ABCA1: variants seen among roughly 807,000 people sequenced by gnomAD.
The protein encoded by ABCA1 is phospholipid-transporting ATPase ABCA1.
A neutral mutation model predicts 262.5 loss-of-function variants in ABCA1; 133 were observed. The observed-to-expected ratio is 0.51, with a 90% CI of 0.44 to 0.59. ABCA1 has a LOEUF of 0.59. Ranked by LOEUF, ABCA1 falls within the 20% of genes least tolerant of loss-of-function variation. ABCA1 has a pLI of 0.00. For missense variants in ABCA1, 2,452 were observed against 2,777.5 expected (o/e 0.88, Z 2.63); for synonymous variants, 1,022 against 1,043.5 (o/e 0.98, Z 0.40).
chr9:104,818,726 T>G lies in ABCA1; in HGVS notation c.3399A>C (p.Lys1133Asn), dbSNP rs771314877. ...GTGYYLTLVK[K>N]DVESSLSSCR... ...AGGAACTGAGGGAGGATTCCACATC[T>G]TTCTTGACCAAGGTCAGGTAGTAGC... Residue 1133 changes from lysine to asparagine, a missense_variant, in exon 23 of 50, where the codon AAA (lysine) becomes AAC (asparagine). By Grantham distance (94) the Lys-to-Asn change is moderately conservative. Around this residue, in one of 4 missense-constraint regions of ABCA1, gnomAD observed 665 missense variants for 727.3 expected, o/e 0.91. Coordinates refer to ENST00000374736, the MANE Select transcript of ABCA1 (RefSeq NM_005502.4). 68 of 1,613,650 alleles carry G rather than the reference T, an allele frequency of 4.2e-5. No homozygotes were observed. The highest frequency in any genetic ancestry group is 5.8e-5 in the Non-Finnish European group (68 of 1,180,038).
chr9:104,849,492 A>G (rs981154493), intron 7 of ABCA1, among the ~76,000 whole-genome samples: 3 of 152,232 alleles, frequency 2.0e-5, no homozygotes, highest in Admixed American at 6.5e-5. Context: ...TTTTTAAACT[A>G]GTTCTTTATT....
chr9:104,890,137 C>T (rs879475388), intron 2 of ABCA1, among the ~76,000 whole-genome samples: 8 of 152,196 alleles, frequency 5.3e-5, no homozygotes, highest in Non-Finnish European at 8.8e-5. Flanking sequence ...TATATTCCAA[C>T]GTTGTAATCA....
intron 5 of ABCA1, among the ~76,000 whole-genome samples, chr9:104,876,075 T>C (rs1014176427): frequency 6.6e-6 from 1 of 152,134 alleles, no homozygotes; most frequent in African/African-American, 2.4e-5. Context: ...CTGAGTTCCA[T>C]GTACAGTAGA....
chr9:104,849,335 T>A (rs367626318), intron 7 of ABCA1, among the ~76,000 whole-genome samples: 34 of 152,196 alleles, frequency 2.2e-4, no homozygotes, highest in African/African-American at 7.0e-4. Flanking sequence ...CCATATCTTA[T>A]GATATGACCT....
intron 1 of ABCA1, among the ~76,000 whole-genome samples, chr9:104,924,875 C>T: frequency 6.6e-6 from 1 of 152,080 alleles, no homozygotes. Flanking sequence ...ATATCCCAAC[C>T]AACTCCTCTC....
chr9:104,814,928 G>C (rs373557667), intron 25 of ABCA1, among the ~76,000 whole-genome samples: 1 of 152,148 alleles, frequency 6.6e-6, no homozygotes, highest in African/African-American at 2.4e-5. Flanking sequence ...CTGGGAGGTG[G>C]AGGTTGCAGT....
intron 8 of ABCA1, among the ~76,000 whole-genome samples, chr9:104,843,031 C>G (rs1429972451): frequency 6.6e-6 from 1 of 152,132 alleles, no homozygotes; most frequent in African/African-American, 2.4e-5. Context: ...CTTCCCTCAC[C>G]ACAGACATGC....
chr9:104,830,857 A>C, intron 14 of ABCA1, 68 bp downstream of exon 14: 1 of 1,553,020 alleles, frequency 6.4e-7, no homozygotes, highest in South Asian at 1.1e-5. Flanking sequence ...GCACATGCAC[A>C]CACATATATA....
chr9:104,791,871 G>T, intron 43 of ABCA1, 65 bp downstream of exon 43: 1 of 1,518,668 alleles, frequency 6.6e-7, no homozygotes. Context: ...GAGCATCGTT[G>T]CTTGATTGGG....
Position 104,829,058 on chromosome 9 carries a change from C to G in ABCA1, c.1973G>C (p.Gly658Ala), listed in dbSNP as rs758163019. ...CCGTGCCTCCTTCTCATACACGATG[C>G]CCTTGATGATCACAGCCACTGAGTA... ...WIYSVAVIIK[G>A]IVYEKEARLK... Residue 658 changes from glycine to alanine, a missense_variant, in exon 15 of 50, where the codon GGC becomes GCC. This residue lies in a region of ABCA1 where 1,032 missense variants were observed against 1,089.7 expected (regional missense o/e 0.95). Coordinates refer to ENST00000374736, the MANE Select transcript of ABCA1 (RefSeq NM_005502.4). 8.7e-6 allele frequency: 14 copies of G among 1,614,204 alleles called. No homozygotes were observed. The Middle Eastern group carries it at 4.9e-4, about 57-fold the overall frequency.
chr9:104,882,056 A>AAAAAAAAAAAAAAAAAAAAAAAAAAAAAC (rs910844455), intron 5 of ABCA1, among the ~76,000 whole-genome samples: 1 of 144,538 alleles, frequency 6.9e-6, no homozygotes, highest in Non-Finnish European at 1.5e-5. Context: ...AAAAAAAAAA[A>AAAAAAAAAAAAAAAAAAAAAAAAAAAAAC]ACTCAAATCT....
Position 104,822,585 on chromosome 9 carries a change from C to G in ABCA1, c.2739G>C (p.Lys913Asn). ...TCAGTGCCAGGCCATCGACAGCCAC[C>G]TTCATCCCATCTCGGTAGACTTTTA... Reference protein sequence around the residue: ...NLVKVYRDGMKVAVDGLALNF... With the variant: ...NLVKVYRDGMNVAVDGLALNF... Residue 913 changes from lysine (K) to asparagine (N), a missense_variant, in exon 19 of 50, where the codon AAG becomes AAC. By Grantham distance (94) the Lys-to-Asn change is moderately conservative. Around this residue, in one of 4 missense-constraint regions of ABCA1, gnomAD observed 665 missense variants for 727.3 expected, o/e 0.91. Coordinates refer to ENST00000374736, the MANE Select transcript of ABCA1 (RefSeq NM_005502.4). 6.2e-7 allele frequency: 1 copy of G among 1,614,142 alleles called. No individual in the cohort carries two copies. Among genetic ancestry groups the G allele is most frequent in the South Asian group, 1.1e-5 (1 of 91,078 alleles).
Position 104,828,772 on chromosome 9 carries a change from A to G in ABCA1, c.2115+144T>C, listed in dbSNP as rs1309048622. Reference sequence around the variant, plus strand: ...TCTCTGGGCCTCACTTTCCCCAACTATAAATGGATGAAATTGCAGGAAATG... The same window carrying G: ...TCTCTGGGCCTCACTTTCCCCAACTGTAAATGGATGAAATTGCAGGAAATG... On this transcript the variant is annotated intron_variant, in intron 15 of 49. Coordinates refer to ENST00000374736, the MANE Select transcript of ABCA1 (RefSeq NM_005502.4). 3.1e-6 allele frequency: 3 copies of G among 969,130 alleles called. No individual in the cohort carries two copies. In the Admixed American group the frequency reaches 6.1e-5, roughly 20 times the overall value. The allele number at this position is 969,130 out of a possible 1,614,324, so 60.0% of individuals were successfully genotyped here.
intron 7 of ABCA1, 87 bp downstream of exon 7, chr9:104,858,435 C>G (rs577718398): frequency 7.1e-7 from 1 of 1,415,382 alleles, no homozygotes; most frequent in South Asian, 1.2e-5. Context: ...TACTTTTCTA[C>G]AAAACAAAGT....
chr9:104,879,640 G>A (rs1269539507), intron 5 of ABCA1, among the ~76,000 whole-genome samples: 3 of 152,194 alleles, frequency 2.0e-5, no homozygotes, highest in African/African-American at 4.8e-5. Flanking sequence ...TGGAGAACAC[G>A]TAACTTGCAA....
intron 27 of ABCA1, among the ~76,000 whole-genome samples, chr9:104,813,386 A>T (rs574282606): frequency 6.6e-6 from 1 of 152,266 alleles, no homozygotes; most frequent in South Asian, 2.1e-4. Flanking sequence ...AAACACACAA[A>T]GACACACTCA....
chr9:104,837,296 G>C, intron 10 of ABCA1, 132 bp downstream of exon 10: 1 of 1,310,640 alleles, frequency 7.6e-7, no homozygotes, highest in Non-Finnish European at 1.1e-6. Flanking sequence ...CATCAGACTT[G>C]AGGTTTTCAC....
At chr9:104,879,849 A>T (rs1838475534) in intron 5 of ABCA1, among the ~76,000 whole-genome samples, 1 of 152,216 alleles carries the variant, frequency 6.6e-6, no homozygotes, top group South Asian at 2.1e-4. Flanking sequence ...TTCAAGAAGC[A>T]CACAGACATA....
At chr9:104,913,236 C>G (rs1020032275) in intron 1 of ABCA1, among the ~76,000 whole-genome samples, 1 of 152,126 alleles carries the variant, frequency 6.6e-6, no homozygotes, top group Non-Finnish European at 1.5e-5. Flanking sequence ...AGAAAACTCC[C>G]CAAATCCTTA....
Sources: gnomAD v4.1 joint callset for allele counts (sites outside exome capture counted in the v4.1 genomes callset) on GRCh38, gnomAD v4.1.1 for gene constraint, gnomAD v4.1.1 regional missense constraint, MANE v1.5 for transcripts, NCBI Gene and HGNC (gene_info 2026-07-23, HGNC 2026-07-21) for gene names.